Variants in PACRG observed in about 807,000 individuals in gnomAD.
PACRG encodes the protein parkin coregulated gene protein.
PACRG carries 29 observed loss-of-function variants against 29.7 expected under a neutral mutation model. That is an observed-to-expected ratio of 0.98 (90% CI 0.73 to 1.33). The LOEUF (loss-of-function observed/expected upper bound fraction) is 1.33. PACRG is among the 40% of genes most tolerant of loss of function. PACRG has a pLI of 0.00. For missense variants in PACRG, 279 were observed against 316.2 expected (o/e 0.88, Z 0.89); for synonymous variants, 116 against 118.7 (o/e 0.98, Z 0.15).
At chr6:162,818,878 C>T (rs1271619063) in intron 2 of PACRG, among the ~76,000 whole-genome samples, 2 of 152,092 alleles carry the variant, frequency 1.3e-5, no homozygotes, top group Non-Finnish European at 2.9e-5. Context: ...ACCTGTAATC[C>T]TCTAGGAAAA....
intron 1 of PACRG, among the ~76,000 whole-genome samples, chr6:162,802,378 C>A (rs1785948417): frequency 6.6e-6 from 1 of 152,076 alleles, no homozygotes; most frequent in Admixed American, 6.6e-5. Context: ...TTATGAGCTC[C>A]TAACATTGAA....
intron 4 of PACRG, among the ~76,000 whole-genome samples, chr6:163,274,434 A>T (rs571073116): frequency 1.3e-5 from 2 of 152,312 alleles, no homozygotes; most frequent in South Asian, 4.1e-4. Context: ...TCTATCACTG[A>T]TGGACATTTG....
At chr6:163,026,123 T>C (rs59062187) in intron 2 of PACRG, among the ~76,000 whole-genome samples, 25,204 of 152,066 alleles carry the variant, frequency 0.17, 2,345 homozygotes, top group East Asian at 0.26. Flanking sequence ...TAAACTAAAG[T>C]CTCATTAAAC....
chr6:163,165,187 A>G (rs975147619), intron 4 of PACRG, among the ~76,000 whole-genome samples: 6 of 152,228 alleles, frequency 3.9e-5, no homozygotes, highest in African/African-American at 1.4e-4. Flanking sequence ...TGATGAAGAA[A>G]AGCCCTCCAG....
intron 2 of PACRG, among the ~76,000 whole-genome samples, chr6:162,857,817 A>G (rs1233394150): frequency 1.3e-5 from 2 of 151,432 alleles, no homozygotes; most frequent in Non-Finnish European, 2.9e-5. Context: ...GATCTAAGAT[A>G]TAAAATATGT....
chr6:162,890,627 C>T (rs571268960), intron 2 of PACRG, among the ~76,000 whole-genome samples: 1 of 152,318 alleles, frequency 6.6e-6, no homozygotes, highest in Admixed American at 6.5e-5. Context: ...AATACTTCTG[C>T]CTCTTTGTAC....
chr6:162,955,527 C>T (rs1799954406), intron 2 of PACRG, among the ~76,000 whole-genome samples: 1 of 152,180 alleles, frequency 6.6e-6, no homozygotes, highest in East Asian at 1.9e-4. Context: ...TCTTGAACTC[C>T]TGACCTCGTT....
chr6:163,040,364 T>A (rs547048903), intron 2 of PACRG, among the ~76,000 whole-genome samples: 3 of 152,358 alleles, frequency 2.0e-5, no homozygotes, highest in South Asian at 2.1e-4. Flanking sequence ...TCATGGAGAA[T>A]TTCTGCTAAG....
At chr6:162,848,666 T>C (rs1299158950) in intron 2 of PACRG, among the ~76,000 whole-genome samples, 1 of 152,278 alleles carries the variant, frequency 6.6e-6, no homozygotes, top group African/African-American at 2.4e-5. Flanking sequence ...TTCCATTCTT[T>C]GTGATTTTAC....
At chr6:163,311,518 A>G (rs1250816609) in intron 4 of PACRG, among the ~76,000 whole-genome samples, 1 of 152,218 alleles carries the variant, frequency 6.6e-6, no homozygotes, top group Non-Finnish European at 1.5e-5. Flanking sequence ...TCAGGCCCTC[A>G]AAAAACTGTC....
intron 2 of PACRG, among the ~76,000 whole-genome samples, chr6:163,007,692 G>T (rs1349460504): frequency 6.6e-6 from 1 of 152,138 alleles, no homozygotes; most frequent in Non-Finnish European, 1.5e-5. Flanking sequence ...CCAGTGCCTT[G>T]AGAAACTATT....
intron 2 of PACRG, among the ~76,000 whole-genome samples, chr6:162,882,957 C>T (rs1190695359): frequency 1.3e-5 from 2 of 152,222 alleles, no homozygotes; most frequent in Non-Finnish European, 2.9e-5. Context: ...AATGGAAACC[C>T]TCAGCCAGGC....
chr6:163,044,102 A>G (rs1351051121), intron 2 of PACRG, among the ~76,000 whole-genome samples: 2 of 152,096 alleles, frequency 1.3e-5, no homozygotes, highest in African/African-American at 4.8e-5. Flanking sequence ...CAGGGTGTTC[A>G]TGAGCTTTGC....
At chr6:163,029,885 A>G (rs1807495163) in intron 2 of PACRG, among the ~76,000 whole-genome samples, 1 of 152,198 alleles carries the variant, frequency 6.6e-6, no homozygotes, top group Non-Finnish European at 1.5e-5. Context: ...ACAACTGCAT[A>G]GGTACTTGTT....
At chr6:163,075,037 A>G (rs1424321878) in intron 3 of PACRG, among the ~76,000 whole-genome samples, 1 of 152,084 alleles carries the variant, frequency 6.6e-6, no homozygotes, top group Non-Finnish European at 1.5e-5. Flanking sequence ...GAGAAGACAG[A>G]AATAACCAAT....
At chr6:163,189,566 T>C in intron 4 of PACRG, 1 of 152,240 alleles carries the variant, frequency 6.6e-6, no homozygotes, top group East Asian at 1.9e-4. Flanking sequence ...CTGCCATCAA[T>C]TTTTAGCTTA....
chr6:162,987,483 G>A (rs1402950177), intron 2 of PACRG, among the ~76,000 whole-genome samples: 1 of 152,080 alleles, frequency 6.6e-6, no homozygotes, highest in African/African-American at 2.4e-5. Context: ...ACGGGGGTGG[G>A]TTTTTCCCAT....
At chr6:163,015,287 C>T (rs74890330) in intron 2 of PACRG, among the ~76,000 whole-genome samples, 87 of 152,196 alleles carry the variant, frequency 5.7e-4, no homozygotes, top group African/African-American at 2.0e-3. Flanking sequence ...AATGGGATGC[C>T]TCTGGGTTTG....
intron 4 of PACRG, among the ~76,000 whole-genome samples, chr6:163,255,696 G>A (rs556098896): frequency 1.8e-4 from 27 of 152,278 alleles, no homozygotes; most frequent in South Asian, 6.2e-4. Context: ...GAGTGCAATG[G>A]CATGATCTCA....
Sources: gnomAD v4.1 joint callset for allele counts (sites outside exome capture counted in the v4.1 genomes callset) on GRCh38, gnomAD v4.1.1 for gene constraint, MANE v1.5 for transcripts, NCBI Gene and HGNC (gene_info 2026-07-23, HGNC 2026-07-21) for gene names.